The following MFN1 variants were observed in gnomAD, a reference collection of about 807,000 sequenced individuals.
MFN1 encodes the protein mitofusin 1.
A neutral mutation model predicts 92.4 loss-of-function variants in MFN1; 65 were observed. The ratio of observed to expected loss-of-function variants is 0.70; its 90% CI spans 0.58 to 0.86. The LOEUF (loss-of-function observed/expected upper bound fraction) is 0.86, where lower values mean the gene tolerates loss of function less well. MFN1 is among the 40% of genes least tolerant of loss of function. The pLI is 0.00. For missense variants in MFN1, 781 were observed against 868.0 expected, an observed-to-expected ratio of 0.90 and a Z score of 1.26; for synonymous variants, 297 against 300.9, an observed-to-expected ratio of 0.99 and a Z score of 0.13.
At chr3:179,385,992 T>C (rs1216626863) in intron 15 of MFN1, among the ~76,000 whole-genome samples, 2 of 152,206 alleles carry the variant, frequency 1.3e-5, no homozygotes, top group Non-Finnish European at 1.5e-5. Flanking sequence ...AAGAAATATT[T>C]GTACGTTGAG....
At chr3:179,352,138 T>C in intron 3 of MFN1, 103 bp downstream of exon 3, 1 of 1,245,204 alleles carries the variant, frequency 8.0e-7, no homozygotes. Flanking sequence ...GCCCCGCAAG[T>C]TTCTGCCTGT....
chr3:179,351,929 A>G lies in MFN1; in HGVS notation c.142A>G (p.Ile48Val). 2 of 1,608,052 alleles carry G rather than the reference A, an allele frequency of 1.2e-6. No homozygotes were observed. Among genetic ancestry groups the G allele is most frequent in the Non-Finnish European group, 1.7e-6 (2 of 1,175,676 alleles). ...ATYKNPELDRIATEDDLVEMQ... is the reference protein window; with the variant it reads ...ATYKNPELDRVATEDDLVEMQ... ...ATATAAGAATCCGGAACTTGATCGAATAGCCACTGAAGATGATCTGGTAGA... is the reference window on the plus strand; with the variant it reads ...ATATAAGAATCCGGAACTTGATCGAGTAGCCACTGAAGATGATCTGGTAGA... The change falls in exon 3 of 18, where the codon ATA becomes GTA. Residue 48 changes from isoleucine to valine, a missense_variant. Physicochemically the swap from Ile to Val is conservative, Grantham distance 29. Transcript: ENST00000471841.
intron 14 of MFN1, among the ~76,000 whole-genome samples, chr3:179,382,942 G>C (rs1356461107): frequency 3.3e-5 from 5 of 151,994 alleles, no homozygotes; most frequent in African/African-American, 1.2e-4. Flanking sequence ...AAATTTGTTT[G>C]AGTTCTCTGT....
intron 3 of MFN1, among the ~76,000 whole-genome samples, chr3:179,358,522 G>A (rs1712436003): frequency 6.6e-6 from 1 of 152,120 alleles, no homozygotes; most frequent in South Asian, 2.1e-4. Context: ...TAAGGAGATG[G>A]GATATTAGAC....
intron 7 of MFN1, among the ~76,000 whole-genome samples, chr3:179,366,083 A>G (rs1712776455): frequency 6.6e-6 from 1 of 152,146 alleles, no homozygotes; most frequent in Non-Finnish European, 1.5e-5. Context: ...ATCTGAAGAT[A>G]CTTTTTTTTT....
rs186155706 is a variant in MFN1, at chr3:179,377,439, A to T, written c.1320A>T (p.Ile440=). Residue 440 remains isoleucine (I), a synonymous_variant, in exon 12 of 18, where the codon ATA becomes ATT. Coordinates refer to ENST00000471841, the MANE Select transcript of MFN1 (RefSeq NM_033540.3). ...EFHPNPDVLK[I]YKSELNKHIE... The stretch of plus-strand genomic sequence containing the variant: ...ATCCTAATCCAGATGTATTAAAAAT[A>T]TATAAAAGTGTAAGTTAAAGTATAG... The T allele has an allele frequency of 2.6e-6, 4 of 1,560,214 alleles. No individual in the cohort carries two copies.
intron 5 of MFN1, among the ~76,000 whole-genome samples, chr3:179,363,759 G>T (rs1209130220): frequency 6.6e-6 from 1 of 152,050 alleles, no homozygotes; most frequent in Non-Finnish European, 1.5e-5. Context: ...AAAATGCTAG[G>T]ATTATAGGAA....
intron 1 of MFN1, 109 bp from the exon 2 acceptor site, chr3:179,348,736 C>A (rs1712019578): frequency 1.4e-6 from 2 of 1,468,720 alleles, no homozygotes; most frequent in African/African-American, 1.4e-5. Flanking sequence ...AACATTTTGC[C>A]AGCATAATTT....
rs377330219 is a variant in MFN1 at position 179,362,496 on chromosome 3, T to C, written c.536+14T>C. The stretch of plus-strand genomic sequence containing the variant: ...GTTAGTAGACAGGTAAAATTACATG[T>C]GGATTGCATTTTCTCTGGAAGTTTA... On this transcript the variant is annotated intron_variant, in intron 5 of 17. Transcript: ENST00000471841. 5.0e-6 allele frequency: 8 copies of C among 1,608,768 alleles called. No individual in the cohort carries two copies. In the African/African-American group the frequency reaches 1.1e-4, roughly 22 times the overall value.
chr3:179,392,081 C>CCT lies in MFN1; in HGVS notation c.*23_*24insTC. 1 of 1,506,186 alleles carries CCT rather than the reference C, an allele frequency of 6.6e-7. No individual in the cohort carries two copies. The allele number at this position is 1,506,186 out of a possible 1,614,324, so 93.3% of individuals were successfully genotyped here. A position where few individuals can be genotyped will look rare whatever the true frequency, so the allele number is the denominator to read the frequency against. ...CTAACAATAGAGATTGCTTTGGTGA[C>CCT]CATGATAGGAGGAAACGAAACTTGT... is the stretch of plus-strand genomic sequence containing the variant. On this transcript the variant is annotated 3_prime_UTR_variant, in exon 18 of 18. Transcript: ENST00000471841.
At chr3:179,387,131 C>T (rs1236181271) in intron 16 of MFN1, among the ~76,000 whole-genome samples, 3 of 151,810 alleles carry the variant, frequency 2.0e-5, no homozygotes, top group Non-Finnish European at 4.4e-5. Context: ...ATATGTTGCC[C>T]GGGTTGGTCT....
At chr3:179,365,909 A>G (rs573402623) in intron 7 of MFN1, among the ~76,000 whole-genome samples, 3 of 152,316 alleles carry the variant, frequency 2.0e-5, no homozygotes, top group African/African-American at 7.2e-5. Context: ...CAATTGATTT[A>G]TTCACAGTGA....
rs908917337 is a variant in MFN1, at chr3:179,365,161, C to T, written c.689C>T (p.Pro230Leu). 1 of 1,555,534 alleles carries T rather than the reference C, an allele frequency of 6.4e-7. No homozygotes were observed. Among genetic ancestry groups the T allele is most frequent in the South Asian group, 1.3e-5 (1 of 79,580 alleles). ...AAGGTGAATGAGCGGCTTTCCAAGC[C>T]TAATATTTTCATTCTCAATAATCGT... ...FHKVNERLSKPNIFILNNRWD... is the reference protein window; with the variant it reads ...FHKVNERLSKLNIFILNNRWD... Residue 230 changes from proline to leucine, a missense_variant, in exon 7 of 18, where the codon CCT becomes CTT. By Grantham distance (98) the Pro-to-Leu change is moderately conservative (BLOSUM62 -3). Transcript: ENST00000471841.
chr3:179,380,083 A>G (rs1431885093), intron 14 of MFN1, among the ~76,000 whole-genome samples: 1 of 152,226 alleles, frequency 6.6e-6, no homozygotes, highest in African/African-American at 2.4e-5. Flanking sequence ...GTGAGTATTC[A>G]ATAGGCTGGT....
At chr3:179,388,301 G>A (rs1713775338) in intron 16 of MFN1, among the ~76,000 whole-genome samples, 2 of 152,188 alleles carry the variant, frequency 1.3e-5, no homozygotes, top group Non-Finnish European at 2.9e-5. Context: ...TTAATGGTAG[G>A]TAGACTCCTG....
At chr3:179,373,579 A>G (rs1026107666) in intron 9 of MFN1, among the ~76,000 whole-genome samples, 2 of 152,226 alleles carry the variant, frequency 1.3e-5, no homozygotes, top group South Asian at 2.1e-4. Flanking sequence ...TAAAACATCT[A>G]TAGTACTTAC....
rs746790660 is a variant in MFN1, at chr3:179,364,404, CG to C, written c.645+1del. 1 of 1,590,084 alleles carries C rather than the reference CG, an allele frequency of 6.3e-7. No homozygotes were observed. The highest frequency in any genetic ancestry group is 1.7e-5 in the Admixed American group (1 of 59,754). On this transcript the variant is annotated frameshift_variant and splice_region_variant, in exon 6 of 18. Coordinates refer to ENST00000471841, the MANE Select transcript of MFN1 (RefSeq NM_033540.3). LOFTEE classifies it high-confidence loss of function. ...AACTCTGAATCAACACTAATGAATA[CG>C]GTAGGATTTAATCATATTATTGTGT... Reference protein sequence around the residue: ...VANSESTLMNTEKHFFHKVNE... With the variant: ...VANSESTLMNXEKHFFHKVNE...
intron 14 of MFN1, among the ~76,000 whole-genome samples, chr3:179,382,911 A>G (rs1055016154): frequency 6.6e-5 from 10 of 151,920 alleles, no homozygotes; most frequent in Non-Finnish European, 1.3e-4. Context: ...CCACTTTTTG[A>G]TGGGGTTGTT....
At chr3:179,362,562 A>G (rs1301029957) in intron 5 of MFN1, 80 bp downstream of exon 5, 1 of 1,292,282 alleles carries the variant, frequency 7.7e-7, no homozygotes, top group Non-Finnish European at 1.0e-6. Context: ...TATGGTATAA[A>G]AAATTACAAC....
Sources: allele counts gnomAD v4.1 joint callset (sites outside exome capture counted in the v4.1 genomes callset), GRCh38; gene constraint gnomAD v4.1.1; transcripts MANE v1.5; gene names NCBI Gene and HGNC (gene_info 2026-07-23, HGNC 2026-07-21).